Variants in PRKCB observed in about 807,000 individuals in gnomAD.
PRKCB encodes protein kinase C beta type.
PRKCB carries 13 observed loss-of-function variants against 81.5 expected under a neutral mutation model. That is an observed-to-expected ratio of 0.16 (90% CI 0.10 to 0.25). PRKCB has a LOEUF of 0.25. PRKCB is among the 10% of genes least tolerant of loss of function. The pLI is 1.00. For synonymous variants in PRKCB, 335 were observed against 321.4 expected (o/e 1.04, Z -0.45); for missense variants, 509 against 875.7 (o/e 0.58, Z 5.29).
At chr16:23,849,148 T>C (rs1208476446) in intron 2 of PRKCB, among the ~76,000 whole-genome samples, 2 of 152,254 alleles carry the variant, frequency 1.3e-5, no homozygotes, top group Non-Finnish European at 2.9e-5. Flanking sequence ...CCTCAGGAAG[T>C]AGAATTGCAA....
At chr16:24,190,945 G>T in intron 15 of PRKCB, 145 bp from the exon 16 acceptor site, 1 of 955,680 alleles carries the variant, frequency 1.0e-6, no homozygotes, top group Non-Finnish European at 1.5e-6. Flanking sequence ...GGGATTTTTT[G>T]CTGGGATAAA....
chr16:24,126,480 G>T (rs1966844479), intron 9 of PRKCB, among the ~76,000 whole-genome samples: 1 of 152,026 alleles, frequency 6.6e-6, no homozygotes, highest in Admixed American at 6.6e-5. Flanking sequence ...GCCTCGACAT[G>T]CTGGACTCAA....
chr16:24,096,666 A>AAAAAAAAAT (rs1406204037), intron 7 of PRKCB, among the ~76,000 whole-genome samples: 2 of 32,712 alleles, frequency 6.1e-5, no homozygotes, highest in African/African-American at 1.9e-4. Flanking sequence ...AAAAAAAAAA[A>AAAAAAAAAT]ATATATATAT....
chr16:24,021,093 TTCTTTCTTTCTTTCCTTCTCTC>T (rs1395631945), intron 3 of PRKCB, among the ~76,000 whole-genome samples: 50 of 137,718 alleles, frequency 3.6e-4, no homozygotes, highest in Admixed American at 7.1e-4. Context: ...CTTTCTTTTT[TTCTTTCTTTCTTTCCTTCTCTC>T]TCTTTCTTTC....
chr16:24,026,225 G>A (rs1965478229), intron 3 of PRKCB, among the ~76,000 whole-genome samples: 1 of 152,176 alleles, frequency 6.6e-6, no homozygotes, highest in Non-Finnish European at 1.5e-5. Flanking sequence ...AACCTGGGAG[G>A]CAGAGGCTGC....
At chr16:24,112,910 T>A in intron 7 of PRKCB, 63 bp from the exon 8 acceptor site, 2 of 1,167,764 alleles carry the variant, frequency 1.7e-6, no homozygotes, top group South Asian at 2.7e-5. Flanking sequence ...TTTCATATGC[T>A]GATCAATAAA....
At chr16:24,079,286 T>A (rs1471735643) in intron 5 of PRKCB, among the ~76,000 whole-genome samples, 5 of 152,238 alleles carry the variant, frequency 3.3e-5, no homozygotes, top group African/African-American at 1.2e-4. Flanking sequence ...CCACAAAGCC[T>A]GTTTGGTGGT....
chr16:24,001,391 C>T (rs1965032740), intron 3 of PRKCB, among the ~76,000 whole-genome samples: 2 of 152,090 alleles, frequency 1.3e-5, no homozygotes, highest in Admixed American at 6.6e-5. Context: ...CTAATGTTGA[C>T]CTTATCCTTT....
At chr16:24,121,158 G>A (rs1350149638) in intron 8 of PRKCB, among the ~76,000 whole-genome samples, 1 of 152,142 alleles carries the variant, frequency 6.6e-6, no homozygotes, top group Non-Finnish European at 1.5e-5. Flanking sequence ...TTCCTTGAAT[G>A]TGTCTTCCCC....
chr16:24,095,304 T>G (rs1966426457), intron 7 of PRKCB, among the ~76,000 whole-genome samples: 1 of 152,152 alleles, frequency 6.6e-6, no homozygotes, highest in Non-Finnish European at 1.5e-5. Context: ...CTAGGGCTTT[T>G]CAAAGATAGT....
chr16:23,917,073 A>G (rs1963752117), intron 2 of PRKCB, among the ~76,000 whole-genome samples: 1 of 151,426 alleles, frequency 6.6e-6, no homozygotes, highest in African/African-American at 2.4e-5. Context: ...ACTGCACCCA[A>G]TGTCTCATTC....
intron 2 of PRKCB, among the ~76,000 whole-genome samples, chr16:23,934,575 A>G (rs1476789600): frequency 6.6e-6 from 1 of 152,128 alleles, no homozygotes; most frequent in East Asian, 1.9e-4. Flanking sequence ...AGATGTACTT[A>G]CCTTTGTTAC....
intron 3 of PRKCB, among the ~76,000 whole-genome samples, chr16:23,991,525 A>C (rs1964885584): frequency 6.6e-6 from 1 of 152,158 alleles, no homozygotes; most frequent in African/African-American, 2.4e-5. Context: ...TGTTTCCCAT[A>C]TTCTATCTAT....
At position 24,020,974 on chromosome 16, in the gene PRKCB, C is replaced by T. The variant is rs80183552; in HGVS notation, c.289-11162C>T. ...CCCATTCAGACTGAGAGAGACTTTT[C>T]TTTTTCTTTCTTTCTTTCTTTCTTT... is the stretch of plus-strand genomic sequence containing the variant. On this transcript the variant is annotated intron_variant, in intron 3 of 16. Coordinates refer to ENST00000643927, the MANE Select transcript of PRKCB (RefSeq NM_002738.7). Among the ~76,000 whole-genome samples, 189 of 96,466 alleles carry T rather than the reference C, an allele frequency of 2.0e-3. 1 individual carries two copies. Among genetic ancestry groups the T allele is most frequent in the African/African-American group, 7.3e-3 (183 of 25,188 alleles). 63.3% of individuals were successfully genotyped at this position (96,466 alleles called of 152,430 possible).
intron 2 of PRKCB, among the ~76,000 whole-genome samples, chr16:23,954,815 G>A (rs2141782599): frequency 6.6e-6 from 1 of 152,330 alleles, no homozygotes; most frequent in South Asian, 2.1e-4. Flanking sequence ...ACTTTGGAAG[G>A]CCGAAGTGGG....
intron 5 of PRKCB, among the ~76,000 whole-genome samples, chr16:24,048,694 G>A (rs1351333517): frequency 1.3e-5 from 2 of 152,056 alleles, no homozygotes; most frequent in Admixed American, 6.6e-5. Context: ...GTTTCACCAT[G>A]TTGGTCAGGC....
intron 12 of PRKCB, among the ~76,000 whole-genome samples, chr16:24,180,429 G>T (rs997481947): frequency 6.6e-6 from 1 of 152,080 alleles, no homozygotes; most frequent in Non-Finnish European, 1.5e-5. Flanking sequence ...CAAAATATAA[G>T]GAGTCTTTAA....
At chr16:24,056,997 C>T (rs1354269277) in intron 5 of PRKCB, among the ~76,000 whole-genome samples, 3 of 152,180 alleles carry the variant, frequency 2.0e-5, no homozygotes, top group African/African-American at 7.2e-5. Context: ...TCAAACGTGT[C>T]TTTCCCTGAT....
rs1555481692 is a variant in PRKCB, at chr16:23,882,021, T to TTCTTTCTTTCTTTCTTTCTTC, written c.205+44615_205+44616insTCTTTCTTTCTTTCTTTCTTC. Among the ~76,000 whole-genome samples, 9 of 55,592 alleles carry TTCTTTCTTTCTTTCTTTCTTC rather than the reference T, an allele frequency of 1.6e-4. 1 individual carries two copies. The highest frequency in any genetic ancestry group is 4.7e-4 in the African/African-American group (8 of 16,850). The allele number at this position is 55,592 out of a possible 152,430, so 36.5% of individuals were successfully genotyped here. ...TTCTTTCTTTCTTTCTTTCTTTCTT[T>TTCTTTCTTTCTTTCTTTCTTC]CTTCCTTCCTTCCTTCCTTCCTTCC... On this transcript the variant is annotated intron_variant, in intron 2 of 16. Coordinates refer to ENST00000643927, the MANE Select transcript of PRKCB (RefSeq NM_002738.7).
Sources: gnomAD v4.1 joint callset for allele counts (sites outside exome capture counted in the v4.1 genomes callset) on GRCh38, gnomAD v4.1.1 for gene constraint, MANE v1.5 for transcripts, NCBI Gene and HGNC (gene_info 2026-07-23, HGNC 2026-07-21) for gene names.